ADGRF5: variants seen among roughly 807,000 people sequenced by gnomAD.
ADGRF5 encodes the protein G-protein coupled receptor 116.
ADGRF5 carries 75 observed loss-of-function variants against 132.3 expected under a neutral mutation model. That is an observed-to-expected ratio of 0.57 (90% CI 0.47 to 0.69). The LOEUF is 0.69. Among genes scored for constraint, ADGRF5 ranks in the 30% least tolerant of loss-of-function variants. The pLI is 0.00. For synonymous variants in ADGRF5, 629 were observed against 597.6 expected, an observed-to-expected ratio of 1.05 and a Z score of -0.77; for missense variants, 1,516 against 1,630.6, an observed-to-expected ratio of 0.93 and a Z score of 1.21.
chr6:46,892,123 T>C (rs527317397), intron 3 of ADGRF5, among the ~76,000 whole-genome samples: 1 of 147,968 alleles, frequency 6.8e-6, no homozygotes, highest in African/African-American at 2.5e-5. Flanking sequence ...CAAACTTAAC[T>C]GAGGATTACA....
upstream of ADGRF5, among the ~76,000 whole-genome samples, chr6:46,922,826 T>C (rs571950774): frequency 3.0e-4 from 46 of 152,222 alleles, no homozygotes; most frequent in Non-Finnish European, 5.6e-4. Context: ...GAATTCCTCA[T>C]AGTGTCAAAG....
In ADGRF5 at chr6:46,853,423, T is replaced by A. The variant is rs1768693304; in HGVS notation, c.*569A>T. On this transcript the variant is annotated 3_prime_UTR_variant, in exon 21 of 21. Transcript: ENST00000283296. ...CCATTTTTGAGCCATTAAAAAAAAA[T>A]TCTCAATGTTGCACTGAGTGATTAT... 1 of 152,196 alleles carries A rather than the reference T, an allele frequency of 6.6e-6. No homozygotes were observed. The highest frequency in any genetic ancestry group is 2.1e-4 in the South Asian group (1 of 4,834). 9.4% of individuals were successfully genotyped at this position (152,196 alleles called of 1,614,324 possible). A position where few individuals can be genotyped will look rare whatever the true frequency, so the allele number is the denominator to read the frequency against.
At chr6:46,877,667 A>T (rs1416999763) in intron 10 of ADGRF5, among the ~76,000 whole-genome samples, 5 of 152,128 alleles carry the variant, frequency 3.3e-5, no homozygotes, top group African/African-American at 1.2e-4. Flanking sequence ...CAGGATCAGA[A>T]ATCATATGAA....
At chr6:46,913,991 C>T (rs779883226) in intron 1 of ADGRF5, among the ~76,000 whole-genome samples, 4 of 152,142 alleles carry the variant, frequency 2.6e-5, no homozygotes, top group African/African-American at 4.8e-5. Context: ...ATACAGACTA[C>T]GATCAGGCAG....
intron 3 of ADGRF5, among the ~76,000 whole-genome samples, chr6:46,891,722 G>A (rs1462453674): frequency 6.6e-6 from 1 of 152,152 alleles, no homozygotes; most frequent in Non-Finnish European, 1.5e-5. Flanking sequence ...GTGATTCACG[G>A]ATGTTATCAC....
At chr6:46,914,867 T>C (rs1776294837) in intron 1 of ADGRF5, among the ~76,000 whole-genome samples, 1 of 151,938 alleles carries the variant, frequency 6.6e-6, no homozygotes, top group Admixed American at 6.6e-5. Context: ...GTTTGTTTGT[T>C]TTTTTTGAGA....
rs1770180770 is a variant in ADGRF5 at position 46,864,591 on chromosome 6, C to T, written c.1990+451G>A. 2.0e-5 allele frequency among the ~76,000 whole-genome samples: 3 copies of T among 149,778 alleles called. No homozygotes were observed. In the South Asian group the frequency reaches 6.3e-4, roughly 31 times the overall value. ...CCAGCCTGGAGTGCAGTGGCACGATCTTGGCTCACTGCAACCTCCGCCTCC... is the reference window on the plus strand; with the variant it reads ...CCAGCCTGGAGTGCAGTGGCACGATTTTGGCTCACTGCAACCTCCGCCTCC... On this transcript the variant is annotated intron_variant, in intron 14 of 20. Coordinates refer to ENST00000283296, the MANE Select transcript of ADGRF5 (RefSeq NM_001098518.2).
rs774578587 is a variant in ADGRF5 at position 46,858,563 on chromosome 6, G to A, written c.3340C>T (p.Arg1114Cys). ...GTTTCATGCAGAATGAAAACCAGGC[G>A]ATAGAACAGCATGAGGCCCAGTGTC... Reference protein sequence around the residue: ...MLTLGLMLFYRLVFILHETSR... With the variant: ...MLTLGLMLFYCLVFILHETSR... Residue 1114 changes from arginine to cysteine, a missense_variant, in exon 17 of 21, where the codon CGC (arginine) becomes TGC (cysteine). Coordinates refer to ENST00000283296, the MANE Select transcript of ADGRF5 (RefSeq NM_001098518.2). The A allele has an allele frequency of 9.9e-6, 16 of 1,613,838 alleles. No individual in the cohort carries two copies. The highest frequency in any genetic ancestry group is 5.5e-5 in the South Asian group (5 of 91,068).
intron 1 of ADGRF5, among the ~76,000 whole-genome samples, chr6:46,945,643 G>C (rs1366090069): frequency 6.6e-6 from 1 of 152,188 alleles, no homozygotes; most frequent in African/African-American, 2.4e-5. Flanking sequence ...ACAGGGATGG[G>C]GTGACCTGTG....
At chr6:46,939,996 C>T (rs1276239625) in intron 1 of ADGRF5, among the ~76,000 whole-genome samples, 1 of 151,672 alleles carries the variant, frequency 6.6e-6, no homozygotes, top group African/African-American at 2.4e-5. Context: ...TTTCAAGGGC[C>T]CAGTTTTATG....
chr6:46,854,109 C>A (rs771053869), intron 20 of ADGRF5, 38 bp from the exon 21 acceptor site: 5 of 1,438,316 alleles, frequency 3.5e-6, no homozygotes, highest in Non-Finnish European at 3.8e-6. Context: ...TGAAGACAAG[C>A]CATCATGAAC....
chr6:46,871,431 G>A (rs1047339087), intron 11 of ADGRF5, among the ~76,000 whole-genome samples: 3 of 152,100 alleles, frequency 2.0e-5, no homozygotes, highest in African/African-American at 7.2e-5. Flanking sequence ...GGAGTAGTAG[G>A]GGAGTGAGCC....
At chr6:46,925,032 TA>T (rs751658579), upstream of ADGRF5, among the ~76,000 whole-genome samples, 40 of 152,192 alleles carry the variant, frequency 2.6e-4, no homozygotes, top group Non-Finnish European at 5.3e-4. Flanking sequence ...AAATGGTCCT[TA>T]TAAAATACAA....
Position 46,913,144 on chromosome 6 carries a change from G to C in ADGRF5, c.-24-6358C>G, listed in dbSNP as rs532224656. 4.3e-3 allele frequency among the ~76,000 whole-genome samples: 660 copies of C among 152,298 alleles called. 10 individuals are homozygous for C. The highest frequency in any genetic ancestry group is 0.015 in the African/African-American group (624 of 41,554). ...CCTGAGACAGGAATGAAACCAGAGA[G>C]GCAGGAACAGGAGGGAAACAAGGCT... On this transcript the variant is annotated intron_variant, in intron 1 of 20. Transcript: ENST00000283296.
chr6:46,861,775 T>C (rs1441317821), intron 15 of ADGRF5, among the ~76,000 whole-genome samples: 2 of 152,202 alleles, frequency 1.3e-5, no homozygotes, highest in African/African-American at 2.4e-5. Flanking sequence ...AAAGGAAGCA[T>C]GATAGAGCAG....
chr6:46,881,967 G>T (rs560635775), intron 7 of ADGRF5, 82 bp downstream of exon 7: 2 of 1,004,636 alleles, frequency 2.0e-6, no homozygotes, highest in Middle Eastern at 2.0e-4. Context: ...CATGAATAAT[G>T]CCTCTCTAGG....
intron 1 of ADGRF5, among the ~76,000 whole-genome samples, chr6:46,950,520 T>C (rs548418123): frequency 1.3e-5 from 2 of 152,268 alleles, no homozygotes; most frequent in South Asian, 2.1e-4. Context: ...TTTTTGTTTG[T>C]TTTGTTTTGT....
At chr6:46,877,223 CTCTCTTTCTTTCTT>C (rs1209929100) in intron 10 of ADGRF5, among the ~76,000 whole-genome samples, 4 of 149,924 alleles carry the variant, frequency 2.7e-5, no homozygotes, top group African/African-American at 9.8e-5. Context: ...AATTTATTTC[CTCTCTTTCTTTCTT>C]TCTTTCTTTC....
chr6:46,924,475 G>C (rs7740774), upstream of ADGRF5, among the ~76,000 whole-genome samples: 1 of 152,160 alleles, frequency 6.6e-6, no homozygotes, highest in Non-Finnish European at 1.5e-5. Context: ...TCCTCTTAAC[G>C]TAAGAGTGTC....
Sources: gnomAD v4.1 joint callset for allele counts (sites outside exome capture counted in the v4.1 genomes callset) on GRCh38, gnomAD v4.1.1 for gene constraint, MANE v1.5 for transcripts, NCBI Gene and HGNC (gene_info 2026-07-23, HGNC 2026-07-21) for gene names.